LRRC4C: variants seen among roughly 807,000 people sequenced by gnomAD.
The protein encoded by LRRC4C is leucine rich repeat containing 4C.
A neutral mutation model predicts 33.6 loss-of-function variants in LRRC4C; 5 were observed. The ratio of observed to expected loss-of-function variants is 0.15; its 90% confidence interval spans 0.08 to 0.31. LRRC4C has a LOEUF of 0.31. Among genes scored for constraint, LRRC4C ranks in the 10% least tolerant of loss-of-function variants. The pLI is 1.00. For missense variants in LRRC4C, 560 were observed against 796.7 expected (o/e 0.70, Z 3.58); for synonymous variants, 329 against 302.0 (o/e 1.09, Z -0.93).
At chr11:40,820,505 T>C (rs1223985055) in intron 2 of LRRC4C, among the ~76,000 whole-genome samples, 3 of 151,934 alleles carry the variant, frequency 2.0e-5, no homozygotes, top group Non-Finnish European at 4.4e-5. Context: ...ACATTCATTA[T>C]AAAGTGGGGT....
At chr11:40,421,997 T>C (rs1221628733) in intron 3 of LRRC4C, among the ~76,000 whole-genome samples, 2 of 152,248 alleles carry the variant, frequency 1.3e-5, no homozygotes, top group African/African-American at 2.4e-5. Flanking sequence ...GTTTCAGTGA[T>C]TGTCCTAGTT....
chr11:40,752,627 G>A (rs1179792513), intron 2 of LRRC4C, among the ~76,000 whole-genome samples: 1 of 151,848 alleles, frequency 6.6e-6, no homozygotes, highest in African/African-American at 2.4e-5. Context: ...AAAAACAGAT[G>A]CTTGTGAAGG....
At chr11:40,448,776 G>A (rs1237317794) in intron 3 of LRRC4C, among the ~76,000 whole-genome samples, 3 of 152,194 alleles carry the variant, frequency 2.0e-5, no homozygotes, top group Admixed American at 2.0e-4. Flanking sequence ...TAATGGGATT[G>A]CTGGATCAAA....
chr11:41,247,485 A>C (rs1046081566), intron 1 of LRRC4C, among the ~76,000 whole-genome samples: 3 of 152,224 alleles, frequency 2.0e-5, no homozygotes, highest in Non-Finnish European at 4.4e-5. Context: ...TTAAAATTCC[A>C]ATAAGCAATG....
At chr11:40,522,323 C>A (rs150932082) in intron 3 of LRRC4C, among the ~76,000 whole-genome samples, 1,714 of 152,334 alleles carry the variant, frequency 0.011, 41 homozygotes, top group African/African-American at 0.039. Context: ...AGCCCTGGCG[C>A]CTGGCCAGAA....
intron 2 of LRRC4C, among the ~76,000 whole-genome samples, chr11:40,790,872 G>T (rs969475600): frequency 7.9e-5 from 12 of 152,100 alleles, no homozygotes; most frequent in African/African-American, 2.7e-4. Flanking sequence ...AAATATTTTT[G>T]TTTCTCTCTG....
Position 41,123,341 on chromosome 11 carries a change from C to T in LRRC4C, c.-495-189618G>A, listed in dbSNP as rs1254089774. Reference sequence around the variant, plus strand: ...AGGCTGGAGTGCAGTGGCGGGATCTCGGCTCACTGCAAGCTCCGCCTCCCG... The same window carrying T: ...AGGCTGGAGTGCAGTGGCGGGATCTTGGCTCACTGCAAGCTCCGCCTCCCG... On this transcript the variant is annotated intron_variant, in intron 1 of 6. Coordinates refer to ENST00000528697, the MANE Select transcript of LRRC4C (RefSeq NM_001258419.2). Among the ~76,000 whole-genome samples the T allele has an allele frequency of 2.2e-5, 3 of 134,202 alleles. No homozygotes were observed. The South Asian group carries it at 7.3e-4, about 33-fold the overall frequency. The allele number at this position is 134,202 out of a possible 152,430, so 88.0% of individuals were successfully genotyped here.
intron 1 of LRRC4C, among the ~76,000 whole-genome samples, chr11:41,150,415 C>A (rs1184432401): frequency 6.6e-6 from 1 of 152,178 alleles, no homozygotes; most frequent in Non-Finnish European, 1.5e-5. Context: ...AGAGACTTAT[C>A]TTCAAATTTA....
chr11:40,905,188 T>C (rs1956366465), intron 2 of LRRC4C, among the ~76,000 whole-genome samples: 1 of 152,158 alleles, frequency 6.6e-6, no homozygotes, highest in South Asian at 2.1e-4. Flanking sequence ...AACTTGATTG[T>C]ACCATATCTG....
chr11:41,156,866 A>G (rs1290636213), intron 1 of LRRC4C, among the ~76,000 whole-genome samples: 1 of 151,852 alleles, frequency 6.6e-6, no homozygotes, highest in African/African-American at 2.4e-5. Context: ...CCCCTTTAAA[A>G]CTCATGCTGA....
chr11:41,247,335 C>A (rs1431386571), intron 1 of LRRC4C, among the ~76,000 whole-genome samples: 1 of 152,172 alleles, frequency 6.6e-6, no homozygotes, highest in African/African-American at 2.4e-5. Context: ...AAGTCACCAC[C>A]AAAGTGTTTT....
chr11:40,775,337 G>T (rs1416956083), intron 2 of LRRC4C, among the ~76,000 whole-genome samples: 1 of 152,028 alleles, frequency 6.6e-6, no homozygotes, highest in African/African-American at 2.4e-5. Flanking sequence ...GTGAACCCGG[G>T]AGGCGGAGCT....
At chr11:40,147,776 C>T (rs1213215362) in intron 5 of LRRC4C, among the ~76,000 whole-genome samples, 1 of 151,966 alleles carries the variant, frequency 6.6e-6, no homozygotes, top group Non-Finnish European at 1.5e-5. Context: ...TTCAGGGGTA[C>T]ATGTGCAAGT....
intron 2 of LRRC4C, among the ~76,000 whole-genome samples, chr11:40,789,248 GA>G (rs889274284): frequency 6.6e-6 from 1 of 151,516 alleles, no homozygotes; most frequent in South Asian, 2.1e-4. Context: ...TGAGACGACT[GA>G]AAAAAAATCA....
intron 1 of LRRC4C, among the ~76,000 whole-genome samples, chr11:41,149,510 CAAAAAA>C (rs57914595): frequency 4.0e-4 from 22 of 55,524 alleles, no homozygotes; most frequent in Non-Finnish European, 3.5e-4. Flanking sequence ...ACTCCGTCTC[CAAAAAA>C]AAAAAAAAAA....
At chr11:40,342,330 A>C (rs1046093801) in intron 3 of LRRC4C, among the ~76,000 whole-genome samples, 3 of 152,168 alleles carry the variant, frequency 2.0e-5, no homozygotes, top group Admixed American at 2.0e-4. Flanking sequence ...TTAACTGGGC[A>C]TGGTGGTGCG....
chr11:40,696,748 G>GTATATATATATATATATA lies in LRRC4C; in HGVS notation c.-406-48488_-406-48471dup, dbSNP rs57752272. On this transcript the variant is annotated intron_variant, in intron 2 of 6. Transcript: ENST00000528697. ...GTCTCTGTGCATATATATACACTGT[G>GTATATATATATATATATA]TATATATATATATATATATATATAT... Among the ~76,000 whole-genome samples, 92 of 125,868 alleles carry GTATATATATATATATATA rather than the reference G, an allele frequency of 7.3e-4. 1 individual carries two copies. Among genetic ancestry groups the GTATATATATATATATATA allele is most frequent in the African/African-American group, 2.8e-3 (88 of 31,966 alleles). 82.6% of individuals were successfully genotyped at this position (125,868 alleles called of 152,430 possible).
intron 2 of LRRC4C, among the ~76,000 whole-genome samples, chr11:40,880,511 A>G (rs190023140): frequency 3.5e-4 from 52 of 147,954 alleles, no homozygotes; most frequent in African/African-American, 1.1e-3. Context: ...GGTGACTCCT[A>G]CGAACCCCTC....
At position 40,208,948 on chromosome 11, in the gene LRRC4C, CGTGTGTGTGT is replaced by C. The variant is rs58767227; in HGVS notation, c.-96+32561_-96+32570del. ...CCAAATCAGGGCTTTCTTTTGTGCA[CGTGTGTGTGT>C]GTGTGTGTGTGTGTGTGTGTGTTTC... On this transcript the variant is annotated intron_variant, in intron 5 of 6. Coordinates refer to ENST00000528697, the MANE Select transcript of LRRC4C (RefSeq NM_001258419.2). Among the ~76,000 whole-genome samples the C allele has an allele frequency of 5.5e-3, 808 of 146,736 alleles. 4 individuals carry two copies. The highest frequency in any genetic ancestry group is 0.02 in the African/African-American group (782 of 39,860).
Sources: gnomAD v4.1 joint callset for allele counts (sites outside exome capture counted in the v4.1 genomes callset) on GRCh38, gnomAD v4.1.1 for gene constraint, MANE v1.5 for transcripts, NCBI Gene and HGNC (gene_info 2026-07-23, HGNC 2026-07-21) for gene names.